Variants in SLC12A7 observed in about 807,000 individuals in gnomAD.
The protein encoded by SLC12A7 is solute carrier family 12 member 7, also known as K-Cl cotransporter 4.
In SLC12A7, 100 loss-of-function variants were observed where a neutral mutation model predicts 120.6. The observed-to-expected ratio is 0.83, with a 90% CI of 0.71 to 0.98. The LOEUF (loss-of-function observed/expected upper bound fraction) is 0.98. SLC12A7 is among the 50% of genes least tolerant of loss of function. The probability of loss-of-function intolerance (pLI) is 0.00; values close to 1 mark genes in which losing one functional copy is unlikely to be tolerated. For synonymous variants in SLC12A7, 760 were observed against 678.0 expected (o/e 1.12, Z -1.88); for missense variants, 1,373 against 1,548.1 (o/e 0.89, Z 1.90).
chr5:1,073,709 T>A lies in SLC12A7; in HGVS notation c.2165A>T (p.Lys722Met). ...LSFTSQLKAG[K>M]GLTIVGSVLE... The stretch of plus-strand genomic sequence containing the variant: ...CACCGAGCCCACGATGGTCAGGCCC[T>A]TGCCGGCCTTCAGCTGCGACGTGAA... Residue 722 changes from lysine to methionine, a missense_variant, in exon 17 of 24, where the codon AAG becomes ATG. Lys to Met is a moderately conservative substitution (Grantham distance 95). Transcript: ENST00000264930. 6.3e-7 allele frequency: 1 copy of A among 1,581,662 alleles called. No individual in the cohort carries two copies. Among genetic ancestry groups the A allele is most frequent in the East Asian group, 2.4e-5 (1 of 42,346 alleles).
rs1271884811 is a variant in SLC12A7 at position 1,089,111 on chromosome 5, G to A, written c.360C>T (p.Thr120=). The change falls in exon 4 of 24, where the codon ACC becomes ACT. Residue 120 remains threonine, a synonymous_variant. Coordinates refer to ENST00000264930, the MANE Select transcript of SLC12A7 (RefSeq NM_006598.3). ...RREAKAPRMG[T]FIGVYLPCLQ... is the part of the protein sequence containing the mutation. The stretch of plus-strand genomic sequence containing the variant: ...GGCACGGCAGGTAGACGCCGATGAA[G>A]GTGCCCATGCGCGGAGCCTGCGACA... The A allele has an allele frequency of 1.9e-6, 3 of 1,612,746 alleles. No homozygotes were observed. Among genetic ancestry groups the A allele is most frequent in the Non-Finnish European group, 2.5e-6 (3 of 1,179,968 alleles).
chr5:1,058,893 C>CCTGG (rs112609124), intron 21 of SLC12A7, among the ~76,000 whole-genome samples: 14 of 152,148 alleles, frequency 9.2e-5, no homozygotes, highest in African/African-American at 3.4e-4. Flanking sequence ...TCATCCAAAC[C>CCTGG]CTTCTGCAGA....
chr5:1,074,632 G>C lies in SLC12A7; in HGVS notation c.2007C>G (p.Ser669=). ...KEWGDGIRGL[S]LNAARYALLR... ...GCAGGGCGTAGCGGGCGGCGTTCAG[G>C]GATAGGCCACGGATGCCATCGCCCC... Residue 669 remains serine, a synonymous_variant, in exon 16 of 24, where the codon TCC becomes TCG. Coordinates refer to ENST00000264930, the MANE Select transcript of SLC12A7 (RefSeq NM_006598.3). 6.2e-7 allele frequency: 1 copy of C among 1,612,858 alleles called. No homozygotes were observed. The highest frequency in any genetic ancestry group is 1.1e-5 in the South Asian group (1 of 91,084).
At chr5:1,059,887 G>A (rs553004831) in intron 21 of SLC12A7, among the ~76,000 whole-genome samples, 14 of 152,290 alleles carry the variant, frequency 9.2e-5, no homozygotes, top group Non-Finnish European at 1.8e-4. Context: ...AGGGCACTGA[G>A]GGGCTCCACG....
chr5:1,076,336 T>C, intron 13 of SLC12A7, 100 bp from the exon 14 acceptor site: 2 of 933,610 alleles, frequency 2.1e-6, no homozygotes, highest in Non-Finnish European at 3.2e-6. Context: ...CCCTCCCACC[T>C]GCGCCTTGTC....
At chr5:1,150,029 T>A in the SLC12A7 span, among the ~76,000 whole-genome samples, 1 of 152,140 alleles carries the variant, frequency 6.6e-6, no homozygotes, top group East Asian at 1.9e-4. Context: ...AAACTCCACC[T>A]CAAAGAAAAA....
chr5:1,057,606 G>A lies in SLC12A7; in HGVS notation c.2891C>T (p.Ala964Val), dbSNP rs901472298. 1.1e-5 allele frequency: 17 copies of A among 1,607,458 alleles called. No homozygotes were observed. Among genetic ancestry groups the A allele is most frequent in the Admixed American group, 5.0e-5 (3 of 59,968 alleles). Residue 964 changes from alanine (A) to valine (V), a missense_variant, in exon 22 of 24, where the codon GCG becomes GTG. Physicochemically the swap from Ala to Val is moderately conservative, Grantham distance 64 (BLOSUM62 0). Coordinates refer to ENST00000264930, the MANE Select transcript of SLC12A7 (RefSeq NM_006598.3). Reference sequence around the variant, plus strand: ...AGGCGGCGCTTGGGTCCTGGCTGCCGCCGCGGTGTGGGACGCGGTGTTCCT... The same window carrying A: ...AGGCGGCGCTTGGGTCCTGGCTGCCACCGCGGTGTGGGACGCGGTGTTCCT... ...HDRNTASHTAAAARTQAPPTP... is the reference protein window; with the variant it reads ...HDRNTASHTAVAARTQAPPTP...
chr5:1,116,809 C>A (rs1268227883), upstream of SLC12A7, among the ~76,000 whole-genome samples: 1 of 151,826 alleles, frequency 6.6e-6, no homozygotes, highest in East Asian at 1.9e-4. Flanking sequence ...CGCCAGCTCT[C>A]GTTCCTGCTC....
intron 18 of SLC12A7, among the ~76,000 whole-genome samples, chr5:1,064,935 G>GCGAGGGGACAGCGAGGGGACAC (rs1736838376): frequency 1.4e-5 from 2 of 145,790 alleles, no homozygotes; most frequent in Non-Finnish European, 1.5e-5. Context: ...TGAGGGGACA[G>GCGAGGGGACAGCGAGGGGACAC]TGAGGGGACG....
chr5:1,105,613 G>C (rs770137933), intron 1 of SLC12A7, among the ~76,000 whole-genome samples: 19 of 152,262 alleles, frequency 1.2e-4, no homozygotes, highest in Non-Finnish European at 2.4e-4. Context: ...CTGCGCTGAA[G>C]CCAGAGGTTT....
the SLC12A7 span, among the ~76,000 whole-genome samples, chr5:1,119,567 G>A: frequency 6.6e-6 from 1 of 152,252 alleles, no homozygotes; most frequent in African/African-American, 2.4e-5. Context: ...TGTGGTCCTG[G>A]TTGGGCGGTG....
chr5:1,084,225 C>T (rs2150857527), intron 7 of SLC12A7, among the ~76,000 whole-genome samples: 1 of 152,320 alleles, frequency 6.6e-6, no homozygotes, highest in East Asian at 1.9e-4. Flanking sequence ...GAACGCTGTA[C>T]TGTACAGCCG....
intron 1 of SLC12A7, among the ~76,000 whole-genome samples, chr5:1,098,751 A>T (rs1366946939): frequency 6.1e-4 from 53 of 86,390 alleles, no homozygotes; most frequent in East Asian, 6.0e-3. Flanking sequence ...AACCCTCTGC[A>T]CACCCAGCCC....
chr5:1,093,737 A>C (rs963294472), intron 2 of SLC12A7, 82 bp from the exon 3 acceptor site: 510 of 1,578,786 alleles, frequency 3.2e-4, no homozygotes, highest in Non-Finnish European at 4.2e-4. Context: ...CAGGGTGTGG[A>C]GCTCAGGCCC....
upstream of SLC12A7, among the ~76,000 whole-genome samples, chr5:1,116,839 G>A (rs939842181): frequency 6.6e-6 from 1 of 151,408 alleles, no homozygotes; most frequent in African/African-American, 2.4e-5. Flanking sequence ...CTTCTTTCCC[G>A]TGAAGCTTGG....
chr5:1,146,381 C>T, the SLC12A7 span, among the ~76,000 whole-genome samples: 2 of 152,106 alleles, frequency 1.3e-5, no homozygotes, highest in East Asian at 1.9e-4. The surrounding 1 kb of genome is among the most constrained non-coding windows in gnomAD (Gnocchi z 6.5). Context: ...CTGACCTGGC[C>T]GTGGAATGAA....
At chr5:1,149,002 G>A in the SLC12A7 span, among the ~76,000 whole-genome samples, 2 of 152,092 alleles carry the variant, frequency 1.3e-5, no homozygotes, top group East Asian at 1.9e-4. Flanking sequence ...TTATGAATCC[G>A]TTCATCCACC....
At chr5:1,105,058 CAA>C (rs1300379317) in intron 1 of SLC12A7, among the ~76,000 whole-genome samples, 1 of 149,502 alleles carries the variant, frequency 6.7e-6, no homozygotes, top group Non-Finnish European at 1.5e-5. Flanking sequence ...ACCCACCAGC[CAA>C]AGAGGAGCCT....
At chr5:1,108,998 AG>A (rs1466871035) in intron 1 of SLC12A7, among the ~76,000 whole-genome samples, 1 of 152,230 alleles carries the variant, frequency 6.6e-6, no homozygotes, top group Non-Finnish European at 1.5e-5. Flanking sequence ...CGCCCAAGCC[AG>A]GAAGAAGCTC....
Sources: allele counts gnomAD v4.1 joint callset (sites outside exome capture counted in the v4.1 genomes callset), GRCh38; gene constraint gnomAD v4.1.1; non-coding constraint Gnocchi (gnomAD v3.1); transcripts MANE v1.5; gene names NCBI Gene and HGNC (gene_info 2026-07-23, HGNC 2026-07-21).